The following CSMD2 variants were observed in gnomAD, a reference collection of about 807,000 sequenced individuals.
The protein encoded by CSMD2 is CUB and Sushi multiple domains 2.
Under a neutral mutation model 398.5 loss-of-function variants are expected in CSMD2, and 130 were observed. That is an observed-to-expected ratio of 0.33 (90% CI 0.28 to 0.38). The LOEUF (loss-of-function observed/expected upper bound fraction) is 0.38. Ranked by LOEUF, CSMD2 falls within the 10% of genes least tolerant of loss-of-function variation. The pLI, the probability that CSMD2 is intolerant of heterozygous loss-of-function variation, is 1.00. For missense variants in CSMD2, 3,829 were observed against 4,764.9 expected, an observed-to-expected ratio of 0.80 and a Z score of 5.78; for synonymous variants, 1,828 against 1,908.5, an observed-to-expected ratio of 0.96 and a Z score of 1.10.
intron 54 of CSMD2, 68 bp from the exon 55 acceptor site, chr1:33,557,990 G>A: frequency 7.1e-7 from 1 of 1,407,232 alleles, no homozygotes; most frequent in Non-Finnish European, 9.6e-7. Context: ...AGCAAAACTA[G>A]GCAATGAAGC....
At chr1:33,835,625 A>C (rs1660131603) in intron 6 of CSMD2, among the ~76,000 whole-genome samples, 1 of 139,376 alleles carries the variant, frequency 7.2e-6, no homozygotes, top group African/African-American at 2.8e-5. Context: ...CACAATGTGT[A>C]CATGTACCCT....
chr1:34,111,872 A>G (rs924629512), intron 1 of CSMD2, among the ~76,000 whole-genome samples: 1 of 152,180 alleles, frequency 6.6e-6, no homozygotes, highest in African/African-American at 2.4e-5. Flanking sequence ...AGCTTTTCTC[A>G]ACTAGACACG....
intron 8 of CSMD2, 69 bp downstream of exon 8, chr1:33,820,400 C>T: frequency 2.0e-6 from 2 of 1,002,510 alleles, no homozygotes; most frequent in Non-Finnish European, 1.6e-6. Context: ...GGAAGGCCAG[C>T]CCCTGTCTTC....
At chr1:33,790,787 C>A (rs889337526) in intron 11 of CSMD2, among the ~76,000 whole-genome samples, 17 of 148,298 alleles carry the variant, frequency 1.1e-4, no homozygotes, top group Non-Finnish European at 2.4e-4. Context: ...AATCAATCGT[C>A]TATCATCTCT....
intron 25 of CSMD2, among the ~76,000 whole-genome samples, chr1:33,666,867 A>G (rs1365541699): frequency 6.6e-6 from 1 of 152,148 alleles, no homozygotes; most frequent in Non-Finnish European, 1.5e-5. Flanking sequence ...GTGTGGCTGT[A>G]CGTGCTCTCA....
intron 2 of CSMD2, among the ~76,000 whole-genome samples, chr1:34,077,475 A>T (rs1365916975): frequency 7.2e-6 from 1 of 139,754 alleles, no homozygotes; most frequent in Non-Finnish European, 1.5e-5. Context: ...AAAAAAAAAA[A>T]AAAGCAGTGA....
chr1:33,730,092 G>A (rs1646672918), intron 15 of CSMD2, among the ~76,000 whole-genome samples: 1 of 152,160 alleles, frequency 6.6e-6, no homozygotes, highest in Non-Finnish European at 1.5e-5. Context: ...ATAAACTAGG[G>A]TAATCAACAA....
Position 34,088,308 on chromosome 1 carries a change from C to T in CSMD2, c.404+669G>A, listed in dbSNP as rs542284308. ...CTTGTGACAGACCCTGGCTGGCCTC[C>T]GGGTCACCTAGAGAGTTTTGACCCT... On this transcript the variant is annotated intron_variant, in intron 2 of 70. Coordinates refer to ENST00000373381, the MANE Select transcript of CSMD2 (RefSeq NM_001281956.2). Among the ~76,000 whole-genome samples the T allele has an allele frequency of 8.5e-5, 13 of 152,314 alleles. No individual in the cohort carries two copies. The East Asian group carries it at 1.2e-3, about 14-fold the overall frequency.
At chr1:33,779,401 A>C (rs1438229182) in intron 12 of CSMD2, among the ~76,000 whole-genome samples, 1 of 152,210 alleles carries the variant, frequency 6.6e-6, no homozygotes, top group Non-Finnish European at 1.5e-5. Context: ...TCATCTGTAA[A>C]ATGGAAATGG....
intron 13 of CSMD2, among the ~76,000 whole-genome samples, chr1:33,755,495 T>C (rs1002126080): frequency 3.3e-5 from 5 of 152,136 alleles, no homozygotes; most frequent in Non-Finnish European, 7.4e-5. Flanking sequence ...ATACTGAGGA[T>C]GCAGTCTAGA....
intron 1 of CSMD2, among the ~76,000 whole-genome samples, chr1:34,144,474 C>T (rs1251617091): frequency 6.6e-6 from 1 of 152,172 alleles, no homozygotes; most frequent in African/African-American, 2.4e-5. Context: ...AGCCCCAACC[C>T]ACCTTGCACC....
At chr1:34,054,229 GC>G (rs967974745) in intron 2 of CSMD2, among the ~76,000 whole-genome samples, 1 of 152,020 alleles carries the variant, frequency 6.6e-6, no homozygotes, top group Non-Finnish European at 1.5e-5. Flanking sequence ...CATTGCATTT[GC>G]CCTGTAATTT....
intron 22 of CSMD2, among the ~76,000 whole-genome samples, chr1:33,704,809 T>G (rs1235868647): frequency 6.6e-6 from 1 of 152,202 alleles, no homozygotes; most frequent in Admixed American, 6.6e-5. Context: ...TCACCCAGGC[T>G]GGAGTGCAGT....
chr1:33,738,620 T>C (rs1170288920), intron 15 of CSMD2, among the ~76,000 whole-genome samples: 1 of 152,200 alleles, frequency 6.6e-6, no homozygotes, highest in Non-Finnish European at 1.5e-5. Context: ...GTGTTTCTTC[T>C]GGCTGGTTGG....
chr1:33,989,013 CATATATATATATATATATATATATATAT>C (rs71029018), intron 3 of CSMD2, among the ~76,000 whole-genome samples: 2,540 of 94,842 alleles, frequency 0.027, 172 homozygotes, highest in African/African-American at 0.088. Flanking sequence ...TCTCTCTCTC[CATATATATATATATATATATATATATAT>C]ATATATATAT....
chr1:33,959,169 T>C (rs997123741), intron 3 of CSMD2, among the ~76,000 whole-genome samples: 1 of 152,212 alleles, frequency 6.6e-6, no homozygotes, highest in Admixed American at 6.5e-5. Context: ...CTGAAGACTA[T>C]GGATGCTTCT....
intron 13 of CSMD2, among the ~76,000 whole-genome samples, chr1:33,749,620 C>A (rs745514435): frequency 5.9e-5 from 9 of 151,726 alleles, no homozygotes; most frequent in Non-Finnish European, 7.4e-5. Context: ...CTGAAGAGAT[C>A]AATAAAAATT....
intron 2 of CSMD2, among the ~76,000 whole-genome samples, chr1:34,040,244 C>G (rs1162933021): frequency 1.3e-5 from 2 of 151,912 alleles, no homozygotes; most frequent in Non-Finnish European, 2.9e-5. Context: ...TGTGCTCTAC[C>G]CAATTGGGAT....
intron 6 of CSMD2, among the ~76,000 whole-genome samples, chr1:33,842,246 T>A (rs1030824053): frequency 6.6e-6 from 1 of 152,224 alleles, no homozygotes; most frequent in East Asian, 1.9e-4. Context: ...CAGAAATACA[T>A]TTGGTCTGTC....
Sources: gnomAD v4.1 joint callset for allele counts (sites outside exome capture counted in the v4.1 genomes callset) on GRCh38, gnomAD v4.1.1 for gene constraint, MANE v1.5 for transcripts, NCBI Gene and HGNC (gene_info 2026-07-23, HGNC 2026-07-21) for gene names.